Variants in RBFOX3 observed in about 807,000 individuals in gnomAD.
RBFOX3 encodes RNA binding protein fox-1 homolog 3.
RBFOX3 carries 17 observed loss-of-function variants against 48.7 expected under a neutral mutation model. That is an observed-to-expected ratio of 0.35 (90% CI 0.24 to 0.52). RBFOX3 has a LOEUF of 0.52. Ranked by LOEUF, RBFOX3 falls within the 20% of genes least tolerant of loss-of-function variation. The pLI, the probability that RBFOX3 is intolerant of heterozygous loss-of-function variation, is 0.94. For missense variants in RBFOX3, 382 were observed against 497.5 expected, an observed-to-expected ratio of 0.77 and a Z score of 2.21; for synonymous variants, 212 against 209.5, an observed-to-expected ratio of 1.01 and a Z score of -0.10.
At chr17:79,337,300 C>A (rs2081346072) in intron 2 of RBFOX3, among the ~76,000 whole-genome samples, 1 of 152,172 alleles carries the variant, frequency 6.6e-6, no homozygotes, top group African/African-American at 2.4e-5. Flanking sequence ...CACATCCTAA[C>A]AAACTTCTCC....
intron 2 of RBFOX3, among the ~76,000 whole-genome samples, chr17:79,330,042 G>T (rs2146298715): frequency 6.6e-6 from 1 of 152,344 alleles, no homozygotes; most frequent in South Asian, 2.1e-4. Flanking sequence ...TCCATTCAGA[G>T]CTGAAGAGTT....
intron 2 of RBFOX3, among the ~76,000 whole-genome samples, chr17:79,315,115 A>C (rs988359837): frequency 1.7e-4 from 26 of 152,232 alleles, no homozygotes. Context: ...GTCAAAGCAC[A>C]GTGTTTTCTA....
At chr17:79,150,765 G>A (rs976311429) in intron 4 of RBFOX3, among the ~76,000 whole-genome samples, 1 of 152,160 alleles carries the variant, frequency 6.6e-6, no homozygotes, top group Non-Finnish European at 1.5e-5. Flanking sequence ...GGGCACTTCC[G>A]AGAAAAGAGG....
chr17:79,363,675 C>G lies in RBFOX3; in HGVS notation c.-174-55851G>C, dbSNP rs530924692. On this transcript the variant is annotated intron_variant, in intron 2 of 14. Coordinates refer to ENST00000693108, the MANE Select transcript of RBFOX3 (RefSeq NM_001350451.2). This position sits in a 1 kb window ranked among gnomAD's most constrained non-coding sequence, Gnocchi z 4.7. ...CCTTTCCTTGATGCCAGTATCCAGGCCACCAGCAGGTGTTTCAGGGACCTC... is the reference window on the plus strand; with the variant it reads ...CCTTTCCTTGATGCCAGTATCCAGGGCACCAGCAGGTGTTTCAGGGACCTC... Among the ~76,000 whole-genome samples the G allele has an allele frequency of 1.3e-5, 2 of 152,052 alleles. No individual in the cohort carries two copies. Among genetic ancestry groups the G allele is most frequent in the African/African-American group, 4.8e-5 (2 of 41,470 alleles).
At chr17:79,568,897 C>G (rs2092564648) in intron 1 of RBFOX3, among the ~76,000 whole-genome samples, 2 of 152,098 alleles carry the variant, frequency 1.3e-5, no homozygotes, top group African/African-American at 2.4e-5. Flanking sequence ...TGCCGCCCCA[C>G]CTCCCAGAGC....
chr17:79,224,537 G>A (rs1206398780), intron 4 of RBFOX3, among the ~76,000 whole-genome samples: 1 of 152,148 alleles, frequency 6.6e-6, no homozygotes, highest in Non-Finnish European at 1.5e-5. Context: ...CCCATAGCTG[G>A]GAACTCCAGG....
chr17:79,511,020 C>T (rs1174010688), intron 1 of RBFOX3, among the ~76,000 whole-genome samples: 1 of 152,194 alleles, frequency 6.6e-6, no homozygotes, highest in East Asian at 1.9e-4. Flanking sequence ...AGGCTGCCCC[C>T]CAGAACCTCC....
intron 4 of RBFOX3, among the ~76,000 whole-genome samples, chr17:79,172,868 A>G (rs2049653531): frequency 2.0e-5 from 3 of 152,228 alleles, no homozygotes; most frequent in African/African-American, 7.2e-5. Context: ...TGGGTTAAAC[A>G]AAATGTATGA....
intron 3 of RBFOX3, among the ~76,000 whole-genome samples, chr17:79,267,361 C>A (rs1017302560): frequency 1.3e-5 from 2 of 152,124 alleles, no homozygotes; most frequent in African/African-American, 4.8e-5. Context: ...AATGCTGTGA[C>A]CCCGAGCCAA....
chr17:79,335,822 G>A (rs1438524699), intron 2 of RBFOX3, among the ~76,000 whole-genome samples: 1 of 152,098 alleles, frequency 6.6e-6, no homozygotes, highest in Non-Finnish European at 1.5e-5. Context: ...GCACACTCAG[G>A]CAATCTCACC....
At chr17:79,133,190 G>T (rs758867887) in intron 4 of RBFOX3, among the ~76,000 whole-genome samples, 1 of 152,160 alleles carries the variant, frequency 6.6e-6, no homozygotes, top group African/African-American at 2.4e-5. Flanking sequence ...CTGAGATCCC[G>T]GTAAGTTACC....
chr17:79,304,851 C>T (rs975627830), intron 3 of RBFOX3, among the ~76,000 whole-genome samples: 4 of 152,112 alleles, frequency 2.6e-5, no homozygotes, highest in East Asian at 1.9e-4. Context: ...GAGAGCTGGC[C>T]GTGACACGGG....
In RBFOX3 at chr17:79,219,990, G is replaced by A. The variant is rs558264739; in HGVS notation, c.-34+15776C>T. 3.8e-3 allele frequency among the ~76,000 whole-genome samples: 565 copies of A among 149,234 alleles called. 5 individuals are homozygous for A. Among genetic ancestry groups the A allele is most frequent in the African/African-American group, 0.013 (519 of 40,766 alleles). ...GAGGCCCACCTAGAACAGTCTGGCC[G>A]ACAGCCAGCACTTCCTGTCTGGGGA... is the stretch of plus-strand genomic sequence containing the variant. On this transcript the variant is annotated intron_variant, in intron 4 of 14. Transcript: ENST00000693108.
intron 4 of RBFOX3, among the ~76,000 whole-genome samples, chr17:79,153,997 T>C (rs2045193783): frequency 6.6e-6 from 1 of 152,118 alleles, no homozygotes. Context: ...GGGAGATGGT[T>C]AAAACAGCAC....
chr17:79,414,270 A>C (rs959511983), intron 2 of RBFOX3, among the ~76,000 whole-genome samples: 18 of 152,188 alleles, frequency 1.2e-4, no homozygotes, highest in African/African-American at 4.3e-4. Flanking sequence ...CACTGTAAAC[A>C]AAGTCTCCGT....
intron 5 of RBFOX3, among the ~76,000 whole-genome samples, chr17:79,109,741 G>A (rs2030037083): frequency 6.6e-6 from 1 of 152,206 alleles, no homozygotes; most frequent in Non-Finnish European, 1.5e-5. Context: ...CTGGAGAGGG[G>A]CACACAGCTC....
At chr17:79,383,346 G>A (rs955069361) in intron 2 of RBFOX3, among the ~76,000 whole-genome samples, 4 of 152,222 alleles carry the variant, frequency 2.6e-5, no homozygotes, top group African/African-American at 9.6e-5. Flanking sequence ...GGCCCAAGAA[G>A]GTGCAAAGGC....
At chr17:79,527,226 C>A (rs2150047093) in intron 1 of RBFOX3, among the ~76,000 whole-genome samples, 1 of 152,394 alleles carries the variant, frequency 6.6e-6, no homozygotes, top group South Asian at 2.1e-4. Context: ...GCACGCCTGC[C>A]ACCTCTTCCC....
At chr17:79,631,026 A>G in the RBFOX3 span, among the ~76,000 whole-genome samples, 2 of 152,182 alleles carry the variant, frequency 1.3e-5, no homozygotes, top group African/African-American at 4.8e-5. Flanking sequence ...CCACTCAGAC[A>G]GCAAAGCAAG....
Sources: allele counts gnomAD v4.1 joint callset (sites outside exome capture counted in the v4.1 genomes callset), GRCh38; gene constraint gnomAD v4.1.1; non-coding constraint Gnocchi (gnomAD v3.1); transcripts MANE v1.5; gene names NCBI Gene and HGNC (gene_info 2026-07-23, HGNC 2026-07-21).